CDK14: variants seen among roughly 807,000 people sequenced by gnomAD.
The protein encoded by CDK14 is cyclin-dependent kinase 14.
CDK14 carries 34 observed loss-of-function variants against 60.7 expected under a neutral mutation model. The ratio of observed to expected loss-of-function variants is 0.56; its 90% CI spans 0.43 to 0.75. CDK14 has a LOEUF of 0.75. CDK14 is among the 30% of genes least tolerant of loss of function. The pLI, the probability that CDK14 is intolerant of heterozygous loss-of-function variation, is 0.00. For missense variants in CDK14, 482 were observed against 564.1 expected (o/e 0.85, Z 1.47); for synonymous variants, 197 against 203.7 (o/e 0.97, Z 0.28).
intron 11 of CDK14, among the ~76,000 whole-genome samples, chr7:91,061,197 A>T (rs936813697): frequency 2.6e-5 from 4 of 152,208 alleles, no homozygotes; most frequent in Non-Finnish European, 4.4e-5. Flanking sequence ...CGAATCGGCT[A>T]CTGAGGCTTG....
At chr7:91,116,754 A>G (rs2116371377) in intron 13 of CDK14, among the ~76,000 whole-genome samples, 1 of 152,166 alleles carries the variant, frequency 6.6e-6, no homozygotes, top group Non-Finnish European at 1.5e-5. Flanking sequence ...ACAATTGACA[A>G]CCATCTCCTC....
Position 91,112,653 on chromosome 7 carries a change from G to T in CDK14, c.1266G>T (p.Leu422=). The change falls in exon 13 of 15, where the codon CTG becomes CTT. Residue 422 remains leucine, a synonymous_variant. Coordinates refer to ENST00000380050, the MANE Select transcript of CDK14 (RefSeq NM_001287135.2). ...TGAGCCACGAGTATTTTAGTGACCT[G>T]CCGCCACGGCTATGGGAACTCACCG... ...AALSHEYFSD[L]PPRLWELTDM... 6 of 1,613,634 alleles carry T rather than the reference G, an allele frequency of 3.7e-6. No homozygotes were observed. Among genetic ancestry groups the T allele is most frequent in the Non-Finnish European group, 5.1e-6 (6 of 1,179,832 alleles).
At chr7:91,120,579 G>A (rs1242756368) in intron 14 of CDK14, among the ~76,000 whole-genome samples, 5 of 150,656 alleles carry the variant, frequency 3.3e-5, no homozygotes, top group Non-Finnish European at 7.4e-5. Flanking sequence ...TTTTGCCCAG[G>A]CTAGAGTGAA....
intron 14 of CDK14, among the ~76,000 whole-genome samples, chr7:91,131,104 T>G (rs1764358756): frequency 6.6e-6 from 1 of 151,718 alleles, no homozygotes; most frequent in South Asian, 2.1e-4. Flanking sequence ...TTTTTTTTTG[T>G]TTTTGTTTTT....
intron 2 of CDK14, among the ~76,000 whole-genome samples, chr7:90,649,498 G>A (rs1052235969): frequency 4.9e-5 from 7 of 142,738 alleles, no homozygotes; most frequent in South Asian, 2.3e-4. Flanking sequence ...TCTAGGGTAC[G>A]TGTGCACAAC....
intron 14 of CDK14, among the ~76,000 whole-genome samples, chr7:91,145,918 C>CTATTTATTTA (rs1562923898): frequency 6.3e-4 from 93 of 147,852 alleles, no homozygotes; most frequent in Admixed American, 5.5e-3. Flanking sequence ...ACCTGGCTTG[C>CTATTTATTTA]TTTATTTATT....
intron 14 of CDK14, among the ~76,000 whole-genome samples, chr7:91,120,773 T>C (rs888595634): frequency 2.6e-5 from 4 of 152,008 alleles, no homozygotes; most frequent in African/African-American, 9.7e-5. Context: ...CTGACCTCAG[T>C]TGATCCACCC....
rs182871876 is a variant in CDK14, at chr7:91,207,670, A to C, written c.*534A>C. ...GCAAACCCCTGTTCTCTGACTTGAC[A>C]ACTTGGCCCCGGACTGTGGGGCCCC... On this transcript the variant is annotated 3_prime_UTR_variant, in exon 15 of 15. Coordinates refer to ENST00000380050, the MANE Select transcript of CDK14 (RefSeq NM_001287135.2). 8 of 152,742 alleles carry C rather than the reference A, an allele frequency of 5.2e-5. No individual in the cohort carries two copies. The East Asian group carries it at 1.5e-3, about 29-fold the overall frequency. The allele number at this position is 152,742 out of a possible 1,614,324, so 9.5% of individuals were successfully genotyped here. A position where few individuals can be genotyped will look rare whatever the true frequency, so the allele number is the denominator to read the frequency against.
intron 8 of CDK14, among the ~76,000 whole-genome samples, chr7:90,941,517 C>T (rs1286252015): frequency 6.6e-6 from 1 of 152,070 alleles, no homozygotes; most frequent in Non-Finnish European, 1.5e-5. Flanking sequence ...AGCGGTGGTG[C>T]AATCATAGCT....
intron 2 of CDK14, among the ~76,000 whole-genome samples, chr7:90,658,439 A>C (rs1800796403): frequency 6.6e-6 from 1 of 152,130 alleles, no homozygotes; most frequent in African/African-American, 2.4e-5. Flanking sequence ...TAAGGGCTCC[A>C]CCCTCGTGAT....
At chr7:91,088,334 T>A (rs917383439) in intron 12 of CDK14, among the ~76,000 whole-genome samples, 5 of 152,088 alleles carry the variant, frequency 3.3e-5, no homozygotes, top group African/African-American at 9.7e-5. Context: ...ACAGATCCCA[T>A]GTTAAACGGT....
intron 10 of CDK14, among the ~76,000 whole-genome samples, chr7:91,036,260 C>G (rs945446770): frequency 2.0e-5 from 3 of 152,198 alleles, no homozygotes; most frequent in Admixed American, 6.5e-5. Context: ...GGCTGTGGAA[C>G]TAAGGACTCA....
chr7:90,988,181 G>C (rs1227064726), intron 10 of CDK14, among the ~76,000 whole-genome samples: 2 of 151,962 alleles, frequency 1.3e-5, no homozygotes, highest in Non-Finnish European at 2.9e-5. Flanking sequence ...TTGGTTGAAG[G>C]GAGCAGTTCA....
At chr7:90,869,749 C>T (rs765551622) in intron 6 of CDK14, among the ~76,000 whole-genome samples, 17 of 152,280 alleles carry the variant, frequency 1.1e-4, no homozygotes, top group Middle Eastern at 3.4e-3. Context: ...GTTGGGAAGA[C>T]TTTAAAAGTG....
chr7:90,780,458 G>A (rs1173430379), intron 4 of CDK14, among the ~76,000 whole-genome samples: 1 of 149,310 alleles, frequency 6.7e-6, no homozygotes, highest in Non-Finnish European at 1.5e-5. Flanking sequence ...AAGTTTTAGG[G>A]TACATGTGCA....
At chr7:90,659,956 C>T (rs1268438178) in intron 2 of CDK14, among the ~76,000 whole-genome samples, 2 of 151,610 alleles carry the variant, frequency 1.3e-5, no homozygotes, top group African/African-American at 2.4e-5. Context: ...AGTAAAAGCA[C>T]GACCTTATTA....
At chr7:90,758,764 T>G (rs892443836) in intron 4 of CDK14, among the ~76,000 whole-genome samples, 1 of 152,088 alleles carries the variant, frequency 6.6e-6, no homozygotes, top group Non-Finnish European at 1.5e-5. Flanking sequence ...TAGAACGTAG[T>G]GAGAAAGGCC....
rs563786879 is a variant in CDK14, at chr7:91,045,395, G to A, written c.1042-502G>A. On this transcript the variant is annotated intron_variant, in intron 10 of 14. Coordinates refer to ENST00000380050, the MANE Select transcript of CDK14 (RefSeq NM_001287135.2). ...GGAAACTGTAAATCACGTAATTACA[G>A]ATTTTAACTGTAATGAGAGAATTTG... is the stretch of plus-strand genomic sequence containing the variant. Among the ~76,000 whole-genome samples the A allele has an allele frequency of 1.8e-4, 28 of 152,328 alleles. No individual in the cohort carries two copies. The South Asian group carries it at 5.4e-3, about 29-fold the overall frequency.
At chr7:91,188,800 C>A (rs1373022905) in intron 14 of CDK14, among the ~76,000 whole-genome samples, 1 of 152,100 alleles carries the variant, frequency 6.6e-6, no homozygotes, top group Non-Finnish European at 1.5e-5. Flanking sequence ...TGTATCACTA[C>A]CTTGTGTAAT....
Sources: gnomAD v4.1 joint callset for allele counts (sites outside exome capture counted in the v4.1 genomes callset) on GRCh38, gnomAD v4.1.1 for gene constraint, MANE v1.5 for transcripts, NCBI Gene and HGNC (gene_info 2026-07-23, HGNC 2026-07-21) for gene names.